The following HIRA variants were observed in gnomAD, a reference collection of about 807,000 sequenced individuals.
The protein encoded by HIRA is protein HIRA.
HIRA carries 13 observed loss-of-function variants against 126.6 expected under a neutral mutation model. That is an observed-to-expected ratio of 0.10 (90% CI 0.07 to 0.16). HIRA has a LOEUF of 0.16. Ranked by LOEUF, HIRA falls within the 10% of genes least tolerant of loss-of-function variation. The probability of loss-of-function intolerance (pLI) is 1.00; values close to 1 mark genes in which losing one functional copy is unlikely to be tolerated. For synonymous variants in HIRA, 511 were observed against 520.0 expected, an observed-to-expected ratio of 0.98 and a Z score of 0.24; for missense variants, 834 against 1,314.4, an observed-to-expected ratio of 0.63 and a Z score of 5.65.
At chr22:19,341,025 A>G (rs1433466318) in intron 24 of HIRA, among the ~76,000 whole-genome samples, 1 of 152,220 alleles carries the variant, frequency 6.6e-6, no homozygotes, top group Non-Finnish European at 1.5e-5. Context: ...AAAATTCACA[A>G]GAAACCACAG....
At chr22:19,344,006 C>A (rs2088661044) in intron 24 of HIRA, among the ~76,000 whole-genome samples, 1 of 151,960 alleles carries the variant, frequency 6.6e-6, no homozygotes, top group Non-Finnish European at 1.5e-5. Context: ...GCCACCACGC[C>A]TGGCTGAAAA....
intron 5 of HIRA, among the ~76,000 whole-genome samples, chr22:19,402,305 A>C (rs1268390428): frequency 6.6e-6 from 1 of 152,232 alleles, no homozygotes; most frequent in African/African-American, 2.4e-5. Flanking sequence ...CTAGCCTTTC[A>C]ATTTAGGAAG....
At position 19,357,144 on chromosome 22, in the gene HIRA, C is replaced by T. The variant is rs2088820708; in HGVS notation, c.2235-93G>A. ...AGTGTGGGCCTTCCCTCTGCCTGGG[C>T]CCAACAAGGGCCTCCCCTGAGCAGG... On this transcript the variant is annotated intron_variant, in intron 18 of 24. Coordinates refer to ENST00000263208, the MANE Select transcript of HIRA (RefSeq NM_003325.4). 3 of 1,462,896 alleles carry T rather than the reference C, an allele frequency of 2.1e-6. No homozygotes were observed. In the Admixed American group the frequency reaches 5.3e-5, roughly 26 times the overall value. 90.6% of individuals were successfully genotyped at this position (1,462,896 alleles called of 1,614,324 possible).
chr22:19,368,894 C>T (rs1032293001), intron 15 of HIRA, among the ~76,000 whole-genome samples: 1 of 152,124 alleles, frequency 6.6e-6, no homozygotes, highest in African/African-American at 2.4e-5. Context: ...CCTGAGAGCC[C>T]TTAGGAGTCT....
intron 5 of HIRA, among the ~76,000 whole-genome samples, chr22:19,404,359 T>C (rs1439769053): frequency 6.6e-6 from 1 of 152,156 alleles, no homozygotes; most frequent in Non-Finnish European, 1.5e-5. Flanking sequence ...CTTGTAAAAG[T>C]CCTCACTTGA....
intron 18 of HIRA, 121 bp from the exon 19 acceptor site, chr22:19,357,172 C>T (rs1427602440): frequency 8.7e-7 from 1 of 1,146,046 alleles, no homozygotes. Flanking sequence ...TGAGCAGGTA[C>T]AGCCAGAAGG....
intron 13 of HIRA, among the ~76,000 whole-genome samples, chr22:19,382,243 C>T (rs1049966437): frequency 6.6e-6 from 1 of 152,132 alleles, no homozygotes; most frequent in Non-Finnish European, 1.5e-5. Flanking sequence ...AAGTTGGCCC[C>T]AGACCAGTTA....
chr22:19,419,763 A>G (rs985946052), intron 1 of HIRA, among the ~76,000 whole-genome samples: 7 of 152,210 alleles, frequency 4.6e-5, no homozygotes, highest in African/African-American at 1.7e-4. Context: ...GAAGCACTAC[A>G]TTCAAACACC....
chr22:19,339,168 A>G (rs1456216822), intron 24 of HIRA, among the ~76,000 whole-genome samples: 1 of 152,214 alleles, frequency 6.6e-6, no homozygotes, highest in African/African-American at 2.4e-5. Flanking sequence ...AACTATACAA[A>G]TACATGGAAA....
intron 1 of HIRA, among the ~76,000 whole-genome samples, chr22:19,421,791 C>G (rs1228623070): frequency 4.6e-5 from 7 of 152,202 alleles, no homozygotes; most frequent in Non-Finnish European, 1.0e-4. Context: ...CCTGCCTCAG[C>G]CTCCCGAGTT....
rs199719485 is a variant in HIRA at position 19,378,052 on chromosome 22, G to A, written c.1430C>T (p.Ala477Val). ...CGAGAGGGGGATGCTGTTAAAGAAT[G>A]CCGTGGAGAAGTCCCTGTCATCAAG... is the stretch of plus-strand genomic sequence containing the variant. ...AQLDTGDFSTAFFNSIPLSGS... is the reference protein window; with the variant it reads ...AQLDTGDFSTVFFNSIPLSGS... Residue 477 changes from alanine to valine, a missense_variant, in exon 14 of 25, where the codon GCA (alanine) becomes GTA (valine). By Grantham distance (64) the Ala-to-Val change is moderately conservative. This residue lies in a region of HIRA where 153 missense variants were observed against 270.6 expected (regional missense o/e 0.57). Coordinates refer to ENST00000263208, the MANE Select transcript of HIRA (RefSeq NM_003325.4). 1.3e-4 allele frequency: 204 copies of A among 1,581,064 alleles called. No individual in the cohort carries two copies. Among genetic ancestry groups the A allele is most frequent in the Non-Finnish European group, 1.2e-4 (145 of 1,160,960 alleles).
intron 1 of HIRA, among the ~76,000 whole-genome samples, chr22:19,422,443 T>C (rs9606011): frequency 0.15 from 22,997 of 151,564 alleles, 3,826 homozygotes; most frequent in African/African-American, 0.41. Context: ...AGTCTCCACG[T>C]AGCAGTCAGA....
chr22:19,361,373 C>T (rs115461898), intron 16 of HIRA, 32 bp from the exon 17 acceptor site: 19,873 of 1,575,446 alleles, frequency 0.013, 156 homozygotes, highest in Middle Eastern at 0.026. Flanking sequence ...CTGAGCCTTG[C>T]TCTAACACTA....
At chr22:19,387,880 A>G (rs1005502612) in intron 10 of HIRA, 64 bp from the exon 11 acceptor site, 15 of 1,119,230 alleles carry the variant, frequency 1.3e-5, no homozygotes, top group Middle Eastern at 2.1e-4. Context: ...GTGCCGCAGT[A>G]GCTGGCCTGT....
intron 8 of HIRA, among the ~76,000 whole-genome samples, chr22:19,392,912 G>A (rs117834525): frequency 0.02 from 3,048 of 152,266 alleles, 41 homozygotes; most frequent in Non-Finnish European, 0.032. Flanking sequence ...AGGGGTGGGC[G>A]CTCTGGGAAT....
rs2089011027 is a variant in HIRA, at chr22:19,375,657, G to T, written c.1749C>A (p.Thr583=). The T allele has an allele frequency of 1.2e-6, 2 of 1,614,036 alleles. No individual in the cohort carries two copies. ...TTTCCACAGCTGTCGGAGTCATGCT[G>T]GTCAGGGCAGGAGCACCTGGTGTGG... ...SKATPGAPAL[T]SMTPTAVERL... Residue 583 remains threonine, a synonymous_variant, in exon 15 of 25, where the codon ACC becomes ACA. Transcript: ENST00000263208.
At chr22:19,401,424 T>A (rs7284649) in intron 5 of HIRA, among the ~76,000 whole-genome samples, 1 of 152,034 alleles carries the variant, frequency 6.6e-6, no homozygotes, top group East Asian at 1.9e-4. Context: ...AGCTTCTTTT[T>A]CTGGTTTCAG....
At chr22:19,385,401 TA>T in intron 12 of HIRA, 119 bp downstream of exon 12, 1 of 936,268 alleles carries the variant, frequency 1.1e-6, no homozygotes, top group Non-Finnish European at 1.6e-6. Context: ...CGAGGCTGGC[TA>T]ACCCACAGAT....
At chr22:19,350,369 G>A (rs1448691036) in intron 24 of HIRA, among the ~76,000 whole-genome samples, 2 of 152,076 alleles carry the variant, frequency 1.3e-5, no homozygotes, top group African/African-American at 4.8e-5. Flanking sequence ...ATGAAGCTGT[G>A]AGCTAACTCT....
Sources: allele counts gnomAD v4.1 joint callset (sites outside exome capture counted in the v4.1 genomes callset), GRCh38; gene constraint gnomAD v4.1.1; regional missense constraint gnomAD v4.1.1; transcripts MANE v1.5; gene names NCBI Gene and HGNC (gene_info 2026-07-23, HGNC 2026-07-21).